Variants in THOC7 observed in about 807,000 individuals in gnomAD.
The protein encoded by THOC7 is NIF3L1-binding protein 1.
A neutral mutation model predicts 33.1 loss-of-function variants in THOC7; 22 were observed. The ratio of observed to expected loss-of-function variants is 0.66; its 90% confidence interval spans 0.47 to 0.95. The LOEUF is 0.95. Ranked by LOEUF, THOC7 falls within the 40% of genes least tolerant of loss-of-function variation. The pLI is 0.00. For missense variants in THOC7, 184 were observed against 245.3 expected, an observed-to-expected ratio of 0.75 and a Z score of 1.67; for synonymous variants, 77 against 76.8, an observed-to-expected ratio of 1.00 and a Z score of -0.01.
chr3:63,862,602 C>A (rs1702251162), intron 1 of THOC7, among the ~76,000 whole-genome samples: 1 of 152,144 alleles, frequency 6.6e-6, no homozygotes, highest in African/African-American at 2.4e-5. Flanking sequence ...TAGTAGCCTC[C>A]CACCTCCACT....
In THOC7 at chr3:63,847,195, T is replaced by TA. The variant is rs532669432; in HGVS notation, c.20-7423dup. 7.7e-3 allele frequency among the ~76,000 whole-genome samples: 1,168 copies of TA among 152,230 alleles called. 8 individuals carry two copies. Among genetic ancestry groups the TA allele is most frequent in the Middle Eastern group, 0.017 (5 of 294 alleles). On this transcript the variant is annotated intron_variant, in intron 1 of 7. Transcript: ENST00000295899. ...ATCAGGCTTCCCACCCACCCTGTGA[T>TA]AAAAAAAGTTCCTATAAATCTGGTA...
intron 1 of THOC7, among the ~76,000 whole-genome samples, chr3:63,855,018 AAAAG>A (rs943531946): frequency 6.6e-6 from 1 of 152,102 alleles, no homozygotes; most frequent in Admixed American, 6.5e-5. Flanking sequence ...AAAAAAAAAA[AAAAG>A]AAAGAAAAGG....
rs1701697516 is a variant in THOC7 at position 63,839,010 on chromosome 3, G to A, written c.138-511C>T. 2.0e-5 allele frequency among the ~76,000 whole-genome samples: 3 copies of A among 152,152 alleles called. 1 individual carries two copies. Among genetic ancestry groups the A allele is most frequent in the Admixed American group, 2.0e-4 (3 of 15,280 alleles). On this transcript the variant is annotated intron_variant, in intron 2 of 7. Transcript: ENST00000295899. ...GTTTGACACCAGCCTGGCCAACATG[G>A]TGAAACCCCATCTCTACTAAAATAC...
At chr3:63,834,243 A>T (rs775179993) in intron 7 of THOC7, 44 bp from the exon 8 acceptor site, 1 of 1,587,172 alleles carries the variant, frequency 6.3e-7, no homozygotes, top group East Asian at 2.2e-5. Flanking sequence ...AAGTTTGCCT[A>T]TATTTTATAT....
intron 2 of THOC7, among the ~76,000 whole-genome samples, chr3:63,839,207 A>G (rs969272609): frequency 2.6e-5 from 4 of 152,092 alleles, no homozygotes; most frequent in Non-Finnish European, 5.9e-5. Flanking sequence ...AAAAGATTAG[A>G]TATACGTGTG....
intron 5 of THOC7, 134 bp downstream of exon 5, chr3:63,836,167 G>A: frequency 1.3e-6 from 1 of 754,084 alleles, no homozygotes; most frequent in Non-Finnish European, 2.0e-6. Context: ...GAGAAGTATG[G>A]GAAAATATAA....
At chr3:63,863,898 G>C (rs1249263774), upstream of THOC7, 17 of 1,120,140 alleles carry the variant, frequency 1.5e-5, no homozygotes, top group Admixed American at 7.1e-4. Flanking sequence ...CCATGGAGGA[G>C]GAGGCGGCGG....
intron 1 of THOC7, chr3:63,861,775 G>T (rs1424549049): frequency 6.9e-6 from 1 of 144,078 alleles, no homozygotes. Context: ...AACAGAGACA[G>T]TGTGTATGTG....
intron 1 of THOC7, chr3:63,861,624 T>C (rs1339333635): frequency 6.6e-6 from 1 of 152,160 alleles, no homozygotes; most frequent in African/African-American, 2.4e-5. Context: ...CTGTGCGACC[T>C]TAGGCAAGCT....
intron 7 of THOC7, 58 bp downstream of exon 7, chr3:63,835,096 T>A: frequency 6.5e-7 from 1 of 1,538,902 alleles, no homozygotes; most frequent in Non-Finnish European, 8.9e-7. Flanking sequence ...AAAAGGTACA[T>A]CCCTGGGTCA....
At chr3:63,863,454 C>G (rs564978103) in intron 1 of THOC7, 2 of 1,142,790 alleles carry the variant, frequency 1.8e-6, no homozygotes, top group South Asian at 4.4e-5. Context: ...TTCTAGCCGT[C>G]TCGGCCACCC....
chr3:63,847,869 C>T (rs1001990412), intron 1 of THOC7, among the ~76,000 whole-genome samples: 5 of 152,150 alleles, frequency 3.3e-5, no homozygotes, highest in Non-Finnish European at 7.3e-5. Context: ...TGAATGGACA[C>T]CCATTCAATA....
intron 1 of THOC7, among the ~76,000 whole-genome samples, chr3:63,845,737 G>C (rs1215994036): frequency 6.6e-6 from 1 of 152,170 alleles, no homozygotes; most frequent in East Asian, 1.9e-4. Flanking sequence ...TTTTGGCTTT[G>C]GAAGACCCAA....
chr3:63,854,178 C>A (rs1307358145), intron 1 of THOC7, among the ~76,000 whole-genome samples: 1 of 152,128 alleles, frequency 6.6e-6, no homozygotes, highest in African/African-American at 2.4e-5. Context: ...GTATAAAGTA[C>A]AGAGCACAGC....
intron 1 of THOC7, among the ~76,000 whole-genome samples, chr3:63,862,063 T>C (rs1478387292): frequency 6.6e-6 from 1 of 152,172 alleles, no homozygotes; most frequent in Non-Finnish European, 1.5e-5. Context: ...AGTGTTGGGA[T>C]TACAGGCGTG....
chr3:63,853,003 T>C (rs760470672), intron 1 of THOC7, among the ~76,000 whole-genome samples: 3 of 151,864 alleles, frequency 2.0e-5, no homozygotes, highest in Admixed American at 6.6e-5. Flanking sequence ...ATACAAAAAT[T>C]AGCTGGGCGT....
chr3:63,845,235 T>C (rs1701863651), intron 1 of THOC7, among the ~76,000 whole-genome samples: 1 of 152,166 alleles, frequency 6.6e-6, no homozygotes, highest in South Asian at 2.1e-4. Flanking sequence ...TAGTTTGTGC[T>C]ATGAGAGGAC....
At chr3:63,834,266 T>C in intron 7 of THOC7, 67 bp from the exon 8 acceptor site, 4 of 1,473,468 alleles carry the variant, frequency 2.7e-6, no homozygotes, top group Admixed American at 1.7e-5. Flanking sequence ...GATGAACACA[T>C]GAAAACATGT....
In THOC7 at chr3:63,853,340, C is replaced by T. The variant is rs536028329; in HGVS notation, c.19+10432G>A. Among the ~76,000 whole-genome samples the T allele has an allele frequency of 1.4e-3, 211 of 152,200 alleles. No individual in the cohort carries two copies. The Middle Eastern group carries it at 0.024, about 17-fold the overall frequency. On this transcript the variant is annotated intron_variant, in intron 1 of 7. Coordinates refer to ENST00000295899, the MANE Select transcript of THOC7 (RefSeq NM_025075.4). ...CAGGCATTCACAGGCCCTCCTCCCACTCAGCCCTCTCCCTCTTTAGTCTAA... is the reference window on the plus strand; with the variant it reads ...CAGGCATTCACAGGCCCTCCTCCCATTCAGCCCTCTCCCTCTTTAGTCTAA...
Sources: gnomAD v4.1 joint callset for allele counts (sites outside exome capture counted in the v4.1 genomes callset) on GRCh38, gnomAD v4.1.1 for gene constraint, MANE v1.5 for transcripts, NCBI Gene and HGNC (gene_info 2026-07-23, HGNC 2026-07-21) for gene names.